LHX5: variants seen among roughly 807,000 people sequenced by gnomAD.
LHX5 encodes the protein LIM/homeobox protein Lhx5.
A neutral mutation model predicts 30.6 loss-of-function variants in LHX5; 5 were observed. The observed-to-expected ratio is 0.16, with a 90% CI of 0.09 to 0.34. LHX5 has a LOEUF of 0.34. LHX5 is among the 10% of genes least tolerant of loss of function. The pLI is 1.00. For missense variants in LHX5, 458 were observed against 570.6 expected, an observed-to-expected ratio of 0.80 and a Z score of 2.01; for synonymous variants, 266 against 252.6, an observed-to-expected ratio of 1.05 and a Z score of -0.50.
At chr12:113,471,278 G>T (rs1958248682) in intron 1 of LHX5, 48 bp downstream of exon 1, 3 of 1,596,498 alleles carry the variant, frequency 1.9e-6, no homozygotes, top group Non-Finnish European at 1.7e-6. Context: ...CCCCAGTGGA[G>T]CGCGCGCAGG....
At position 113,471,837 on chromosome 12, in the gene LHX5, C is replaced by A. The variant is rs956719488; in HGVS notation, c.-339G>T. The A allele has an allele frequency of 6.2e-6, 2 of 323,004 alleles. No individual in the cohort carries two copies. Among genetic ancestry groups the A allele is most frequent in the South Asian group, 1.4e-4 (2 of 14,286 alleles). The allele number at this position is 323,004 out of a possible 1,614,324, so 20.0% of individuals were successfully genotyped here. ...GTGGCGGAGGCGCCGGCACTTTCCC[C>A]CACTTTCAAGCGGTCCGGATCCTCA... On this transcript the variant is annotated 5_prime_UTR_variant, in exon 1 of 5. Coordinates refer to ENST00000261731, the MANE Select transcript of LHX5 (RefSeq NM_022363.3).
Position 113,462,922 on chromosome 12 carries a change from T to C in LHX5, c.*268A>G. On this transcript the variant is annotated 3_prime_UTR_variant, in exon 5 of 5. Coordinates refer to ENST00000261731, the MANE Select transcript of LHX5 (RefSeq NM_022363.3). ...GAAATCTCTTGACCCTCCGGAGTATTGACTTTGGTCCCAAGAAATTGCTCG... is the reference window on the plus strand; with the variant it reads ...GAAATCTCTTGACCCTCCGGAGTATCGACTTTGGTCCCAAGAAATTGCTCG... 1 of 383,580 alleles carries C rather than the reference T, an allele frequency of 2.6e-6. No individual in the cohort carries two copies. Among genetic ancestry groups the C allele is most frequent in the Non-Finnish European group, 4.7e-6 (1 of 212,692 alleles). The allele number at this position is 383,580 out of a possible 1,614,324, so 23.8% of individuals were successfully genotyped here.
rs1397510275 is a variant in LHX5, at chr12:113,463,061, C to T, written c.*129G>A. 2.5e-6 allele frequency: 2 copies of T among 805,282 alleles called. No homozygotes were observed. The highest frequency in any genetic ancestry group is 3.6e-6 in the Non-Finnish European group (2 of 550,608). 49.9% of individuals were successfully genotyped at this position (805,282 alleles called of 1,614,324 possible). A position where few individuals can be genotyped will look rare whatever the true frequency, so the allele number is the denominator to read the frequency against. On this transcript the variant is annotated 3_prime_UTR_variant, in exon 5 of 5. Coordinates refer to ENST00000261731, the MANE Select transcript of LHX5 (RefSeq NM_022363.3). The surrounding 1 kb of genome is among the most constrained non-coding windows in gnomAD (Gnocchi z 6.7). ...CCGAGGAGCAGCTGCCAGTTGAGTG[C>T]GGACCCGAGAGAGAACCCCCGAGGG...
In LHX5 at chr12:113,471,692, T is replaced by G; in HGVS notation, c.-194A>C. 1.8e-5 allele frequency: 9 copies of G among 506,710 alleles called. No homozygotes were observed. Among genetic ancestry groups the G allele is most frequent in the Admixed American group, 3.8e-5 (1 of 26,280 alleles). 31.4% of individuals were successfully genotyped at this position (506,710 alleles called of 1,614,324 possible). On this transcript the variant is annotated 5_prime_UTR_variant, in exon 1 of 5. Transcript: ENST00000261731. The stretch of plus-strand genomic sequence containing the variant: ...CGCTGGGCTGCCCGGAGTGGGGTGG[T>G]GGGGGGCGGGTGGCGTTCACAACCT...
At chr12:113,469,995 G>C (rs1958238347) in intron 1 of LHX5, among the ~76,000 whole-genome samples, 1 of 152,230 alleles carries the variant, frequency 6.6e-6, no homozygotes. Context: ...ACCCTAGAGA[G>C]CAGGGATGAG....
rs761368004 is a variant in LHX5 at position 113,471,544 on chromosome 12, C to G, written c.-46G>C. 4 of 1,535,662 alleles carry G rather than the reference C, an allele frequency of 2.6e-6. No homozygotes were observed. The highest frequency in any genetic ancestry group is 3.5e-6 in the Non-Finnish European group (4 of 1,138,810). On this transcript the variant is annotated 5_prime_UTR_variant, in exon 1 of 5. Coordinates refer to ENST00000261731, the MANE Select transcript of LHX5 (RefSeq NM_022363.3). ...TCGGCCGCCTTGCCCTCCCTTTGGG[C>G]CCCTGGCCCTCGGGCCTGCCGGGCC...
intron 1 of LHX5, 28 bp from the exon 2 acceptor site, chr12:113,469,373 G>A: frequency 6.3e-7 from 1 of 1,596,158 alleles, no homozygotes; most frequent in South Asian, 1.1e-5. Context: ...CTGTCACTAT[G>A]GGGTGGGACT....
chr12:113,467,136 C>A lies in LHX5; in HGVS notation c.841+120G>T. 1.0e-6 allele frequency: 1 copy of A among 998,368 alleles called. No individual in the cohort carries two copies. Among genetic ancestry groups the A allele is most frequent in the Non-Finnish European group, 1.4e-6 (1 of 727,854 alleles). The allele number at this position is 998,368 out of a possible 1,614,324, so 61.8% of individuals were successfully genotyped here. A position where few individuals can be genotyped will look rare whatever the true frequency, so the allele number is the denominator to read the frequency against. ...GGGTGAGTGTACATGTGTCTGTGAT[C>A]GTGTGTCCAGCGAGTGGGCGATGTT... is the stretch of plus-strand genomic sequence containing the variant. On this transcript the variant is annotated intron_variant, in intron 4 of 4. Coordinates refer to ENST00000261731, the MANE Select transcript of LHX5 (RefSeq NM_022363.3). This position sits in a 1 kb window ranked among gnomAD's most constrained non-coding sequence, Gnocchi z 6.3.
In LHX5 at chr12:113,468,312, T is replaced by G. The variant is rs1406994695; in HGVS notation, c.490A>C (p.Lys164Gln). 3.7e-6 allele frequency: 6 copies of G among 1,614,168 alleles called. No homozygotes were observed. Among genetic ancestry groups the G allele is most frequent in the Non-Finnish European group, 5.1e-6 (6 of 1,179,982 alleles). ...KETDNSTSSDKETANNENEEQ... is the reference protein window; with the variant it reads ...KETDNSTSSDQETANNENEEQ... The stretch of plus-strand genomic sequence containing the variant: ...TCGTTCTCGTTGTTGGCCGTCTCCT[T>G]GTCCGACGAGGTCGAGTTGTCCGTC... The change falls in exon 3 of 5, where the codon AAG becomes CAG. Residue 164 changes from lysine to glutamine, a missense_variant. Physicochemically the swap from Lys to Gln is moderately conservative, Grantham distance 53. Around this residue, in one of 3 missense-constraint regions of LHX5, gnomAD observed 178 missense variants for 238.5 expected, o/e 0.75. Coordinates refer to ENST00000261731, the MANE Select transcript of LHX5 (RefSeq NM_022363.3).
rs900582181 is a variant in LHX5, at chr12:113,464,277, G to C, written c.842-720C>G. ...GAGTCCCAGGAACCTCCAGAGAAGC[G>C]GAGGCTGACAGGCCCGGGGAGAGGA... On this transcript the variant is annotated intron_variant, in intron 4 of 4. Coordinates refer to ENST00000261731, the MANE Select transcript of LHX5 (RefSeq NM_022363.3). This position sits in a 1 kb window ranked among gnomAD's most constrained non-coding sequence, Gnocchi z 6.2. Among the ~76,000 whole-genome samples, 1 of 152,242 alleles carries C rather than the reference G, an allele frequency of 6.6e-6. No homozygotes were observed. Among genetic ancestry groups the C allele is most frequent in the Non-Finnish European group, 1.5e-5 (1 of 68,040 alleles).
At position 113,467,221 on chromosome 12, in the gene LHX5, A is replaced by G; in HGVS notation, c.841+35T>C. ...TCGCCCTCAGCTCCCGGAATAGGAC[A>G]GGTGCGGAACAGCGAATCCCGGGGC... is the stretch of plus-strand genomic sequence containing the variant. On this transcript the variant is annotated intron_variant, in intron 4 of 4. Coordinates refer to ENST00000261731, the MANE Select transcript of LHX5 (RefSeq NM_022363.3). The surrounding 1 kb of genome is among the most constrained non-coding windows in gnomAD (Gnocchi z 6.3). 2.1e-6 allele frequency: 3 copies of G among 1,402,618 alleles called. No homozygotes were observed. Among genetic ancestry groups the G allele is most frequent in the East Asian group, 5.5e-5 (2 of 36,524 alleles). 86.9% of individuals were successfully genotyped at this position (1,402,618 alleles called of 1,614,324 possible).
chr12:113,465,623 C>T lies in LHX5; in HGVS notation c.841+1633G>A, dbSNP rs1009568326. Among the ~76,000 whole-genome samples, 2 of 152,218 alleles carry T rather than the reference C, an allele frequency of 1.3e-5. No individual in the cohort carries two copies. The highest frequency in any genetic ancestry group is 4.8e-5 in the African/African-American group (2 of 41,470). On this transcript the variant is annotated intron_variant, in intron 4 of 4. Transcript: ENST00000261731. The surrounding 1 kb of genome is among the most constrained non-coding windows in gnomAD (Gnocchi z 6.7). ...CCAGTATCCAGCTCCCCACCTCATC[C>T]AGCGCGCAGGGAGAGGAGGCGGTGG...
chr12:113,468,078 G>C, intron 3 of LHX5, 49 bp downstream of exon 3: 1 of 1,463,074 alleles, frequency 6.8e-7, no homozygotes, highest in Non-Finnish European at 9.0e-7. Context: ...CGAGGCTCCC[G>C]GCTCCCAGGC....
chr12:113,467,917 A>C lies in LHX5; in HGVS notation c.675+210T>G, dbSNP rs1287637090. On this transcript the variant is annotated intron_variant, in intron 3 of 4. Transcript: ENST00000261731. This position sits in a 1 kb window ranked among gnomAD's most constrained non-coding sequence, Gnocchi z 6.3. ...AGAGAGGTAAAGTGACCCGCCCCCAAATCGCAATACCAGGAGGACAGCAGG... is the reference window on the plus strand; with the variant it reads ...AGAGAGGTAAAGTGACCCGCCCCCACATCGCAATACCAGGAGGACAGCAGG... Among the ~76,000 whole-genome samples, 1 of 152,250 alleles carries C rather than the reference A, an allele frequency of 6.6e-6. No individual in the cohort carries two copies. The highest frequency in any genetic ancestry group is 2.4e-5 in the African/African-American group (1 of 41,466).
chr12:113,463,633 A>AGGGGACCCGGGACCCGGGGC lies in LHX5; in HGVS notation c.842-77_842-76insGCCCCGGGTCCCGGGTCCCC, dbSNP rs1364959624. On this transcript the variant is annotated intron_variant, in intron 4 of 4. Transcript: ENST00000261731. The surrounding 1 kb of genome is among the most constrained non-coding windows in gnomAD (Gnocchi z 6.7). ...TAGGCGGGGGACCCGGGACCCGGGG[A>AGGGGACCCGGGACCCGGGGC]GGGGACCCGGGCGGGCGAGAGAGGG... is the stretch of plus-strand genomic sequence containing the variant. 2.8e-6 allele frequency: 4 copies of AGGGGACCCGGGACCCGGGGC among 1,420,822 alleles called. No individual in the cohort carries two copies. The Admixed American group carries it at 1.0e-4, about 36-fold the overall frequency. The allele number at this position is 1,420,822 out of a possible 1,614,324, so 88.0% of individuals were successfully genotyped here.
At position 113,463,655 on chromosome 12, in the gene LHX5, A is replaced by G. The variant is rs1958193267; in HGVS notation, c.842-98T>C. 16 of 1,309,158 alleles carry G rather than the reference A, an allele frequency of 1.2e-5. No homozygotes were observed. Among genetic ancestry groups the G allele is most frequent in the Non-Finnish European group, 1.6e-5 (16 of 984,998 alleles). 81.1% of individuals were successfully genotyped at this position (1,309,158 alleles called of 1,614,324 possible). A position where few individuals can be genotyped will look rare whatever the true frequency, so the allele number is the denominator to read the frequency against. The stretch of plus-strand genomic sequence containing the variant: ...GGGAGGGGACCCGGGCGGGCGAGAG[A>G]GGGGAGCGCGCGACACCGACCCAAG... On this transcript the variant is annotated intron_variant, in intron 4 of 4. Coordinates refer to ENST00000261731, the MANE Select transcript of LHX5 (RefSeq NM_022363.3). This position sits in a 1 kb window ranked among gnomAD's most constrained non-coding sequence, Gnocchi z 6.7.
Position 113,462,980 on chromosome 12 carries a change from G to A in LHX5, c.*210C>T. The A allele has an allele frequency of 2.0e-6, 1 of 512,606 alleles. No individual in the cohort carries two copies. Among genetic ancestry groups the A allele is most frequent in the East Asian group, 3.7e-5 (1 of 26,964 alleles). The allele number at this position is 512,606 out of a possible 1,614,324, so 31.8% of individuals were successfully genotyped here. A position where few individuals can be genotyped will look rare whatever the true frequency, so the allele number is the denominator to read the frequency against. ...TGGGAGAGTACTGGCGGTGGGCTGAGGCTCCTGGAGAGCCCGCGGGGTGGA... is the reference window on the plus strand; with the variant it reads ...TGGGAGAGTACTGGCGGTGGGCTGAAGCTCCTGGAGAGCCCGCGGGGTGGA... On this transcript the variant is annotated 3_prime_UTR_variant, in exon 5 of 5. Transcript: ENST00000261731.
At position 113,463,311 on chromosome 12, in the gene LHX5, G is replaced by T; in HGVS notation, c.1088C>A (p.Pro363His). Reference protein sequence around the residue: ...PEPGLPGTLHPMPGEVFSGGP... With the variant: ...PEPGLPGTLHHMPGEVFSGGP... ...GCCGCTGAATACCTCGCCGGGCATGGGGTGCAGCGTGCCCGGCAGGCCTGG... is the reference window on the plus strand; with the variant it reads ...GCCGCTGAATACCTCGCCGGGCATGTGGTGCAGCGTGCCCGGCAGGCCTGG... The change falls in exon 5 of 5, where the codon CCC becomes CAC. Residue 363 changes from proline to histidine, a missense_variant. By Grantham distance (77) the Pro-to-His change is moderately conservative. Around this residue, in one of 3 missense-constraint regions of LHX5, gnomAD observed 255 missense variants for 246.8 expected, o/e 1.03. Coordinates refer to ENST00000261731, the MANE Select transcript of LHX5 (RefSeq NM_022363.3). This position sits in a 1 kb window ranked among gnomAD's most constrained non-coding sequence, Gnocchi z 6.7. 1 of 1,536,072 alleles carries T rather than the reference G, an allele frequency of 6.5e-7. No individual in the cohort carries two copies.
At position 113,467,466 on chromosome 12, in the gene LHX5, T is replaced by C; in HGVS notation, c.676-45A>G. On this transcript the variant is annotated intron_variant, in intron 3 of 4. Coordinates refer to ENST00000261731, the MANE Select transcript of LHX5 (RefSeq NM_022363.3). The surrounding 1 kb of genome is among the most constrained non-coding windows in gnomAD (Gnocchi z 6.3). The stretch of plus-strand genomic sequence containing the variant: ...TGTGAACCCAGGATCAGGAGTGTCC[T>C]CTCCCCCCCTCTTCTCCCTTCCCTG... 1 of 1,393,100 alleles carries C rather than the reference T, an allele frequency of 7.2e-7. No individual in the cohort carries two copies. The highest frequency in any genetic ancestry group is 1.7e-5 in the South Asian group (1 of 58,500). The allele number at this position is 1,393,100 out of a possible 1,614,324, so 86.3% of individuals were successfully genotyped here.
Sources: gnomAD v4.1 joint callset for allele counts (sites outside exome capture counted in the v4.1 genomes callset) on GRCh38, gnomAD v4.1.1 for gene constraint, gnomAD v4.1.1 regional missense constraint, Gnocchi (gnomAD v3.1) non-coding constraint, MANE v1.5 for transcripts, NCBI Gene and HGNC (gene_info 2026-07-23, HGNC 2026-07-21) for gene names.